The following TJP1 variants were observed in gnomAD, a reference collection of about 807,000 sequenced individuals.
TJP1 encodes tight junction protein 1, also known as tight junction protein ZO-1.
TJP1 carries 43 observed loss-of-function variants against 194.2 expected under a neutral mutation model. That is an observed-to-expected ratio of 0.22 (90% confidence interval 0.17 to 0.29). TJP1 has a LOEUF of 0.29. Among genes scored for constraint, TJP1 ranks in the 10% least tolerant of loss-of-function variants. The probability of loss-of-function intolerance (pLI) is 1.00; values close to 1 mark genes in which losing one functional copy is unlikely to be tolerated. For missense variants in TJP1, 1,971 were observed against 2,185.7 expected (o/e 0.90, Z 1.96); for synonymous variants, 801 against 779.0 (o/e 1.03, Z -0.47).
chr15:29,720,081 T>G, intron 19 of TJP1, 65 bp from the exon 20 acceptor site: 2 of 1,520,932 alleles, frequency 1.3e-6, no homozygotes, highest in Admixed American at 4.3e-5. Context: ...CCACTTCAAT[T>G]TATAGTGATT....
intron 2 of TJP1, among the ~76,000 whole-genome samples, chr15:29,872,870 C>T (rs1010008491): frequency 7.2e-5 from 11 of 152,290 alleles, no homozygotes; most frequent in African/African-American, 2.6e-4. Flanking sequence ...TCTCAAATGC[C>T]CTCTTTCACT....
chr15:29,716,851 G>A lies in TJP1; in HGVS notation c.3975-13C>T. The A allele has an allele frequency of 1.3e-6, 2 of 1,578,730 alleles. No individual in the cohort carries two copies. The highest frequency in any genetic ancestry group is 1.7e-5 in the Admixed American group (1 of 58,236). On this transcript the variant is annotated splice_polypyrimidine_tract_variant and intron_variant, in intron 22 of 27. Transcript: ENST00000614355. ...AGGTTCTGGGATCCTAACAGATAAT[G>A]AATGACAAACGGAACACCTTTTTAA...
intron 2 of TJP1, among the ~76,000 whole-genome samples, chr15:29,829,068 G>A (rs1199279863): frequency 6.6e-6 from 1 of 152,082 alleles, no homozygotes; most frequent in Non-Finnish European, 1.5e-5. Context: ...CTAAGTCTTG[G>A]CTCTTGGCCG....
At chr15:29,742,605 C>G in intron 9 of TJP1, 37 bp downstream of exon 9, 1 of 1,509,390 alleles carries the variant, frequency 6.6e-7, no homozygotes, top group South Asian at 1.4e-5. Context: ...ACTCTACTTG[C>G]AAATGTTTCT....
chr15:29,701,808 A>C lies in TJP1; in HGVS notation c.5213-119T>G. 4 of 698,646 alleles carry C rather than the reference A, an allele frequency of 5.7e-6. No individual in the cohort carries two copies. The South Asian group carries it at 8.0e-5, about 14-fold the overall frequency. The allele number at this position is 698,646 out of a possible 1,614,324, so 43.3% of individuals were successfully genotyped here. On this transcript the variant is annotated intron_variant, in intron 27 of 27. Coordinates refer to ENST00000614355, the MANE Select transcript of TJP1 (RefSeq NM_001330239.4). ...TAATTTTCTTCTGTTTCTTCAGCAT[A>C]TTGAATTTGTATCAAAACACATTGC...
intron 23 of TJP1, among the ~76,000 whole-genome samples, chr15:29,715,773 C>A (rs575331663): frequency 6.6e-6 from 1 of 152,166 alleles, no homozygotes; most frequent in Non-Finnish European, 1.5e-5. Context: ...TCACACTCCC[C>A]AGTAGCTCAA....
intron 2 of TJP1, among the ~76,000 whole-genome samples, chr15:29,908,918 G>C (rs1156814458): frequency 6.6e-6 from 1 of 152,140 alleles, no homozygotes; most frequent in African/African-American, 2.4e-5. Context: ...ACTTTGGGAG[G>C]CCAAGGCGGG....
intron 2 of TJP1, among the ~76,000 whole-genome samples, chr15:29,876,569 G>T (rs1249421850): frequency 6.6e-6 from 1 of 151,920 alleles, no homozygotes; most frequent in Non-Finnish European, 1.5e-5. Context: ...TAGCTCATCA[G>T]CTATCATTAG....
intron 2 of TJP1, among the ~76,000 whole-genome samples, chr15:29,949,849 C>T (rs1187022126): frequency 1.1e-5 from 1 of 87,044 alleles, no homozygotes; most frequent in Admixed American, 1.2e-4. Flanking sequence ...CCACAACCAC[C>T]ACCTCCACAA....
At chr15:29,758,878 T>C (rs1001439453) in intron 8 of TJP1, 2 of 152,172 alleles carry the variant, frequency 1.3e-5, no homozygotes, top group African/African-American at 4.8e-5. Flanking sequence ...ATCCTTAAAA[T>C]AAACACCAGG....
At position 29,796,355 on chromosome 15, in the gene TJP1, A is replaced by AAAAAC. The variant is rs1555421486; in HGVS notation, c.84+4290_84+4291insGTTTT. Among the ~76,000 whole-genome samples, 6 of 151,844 alleles carry AAAAAC rather than the reference A, an allele frequency of 4.0e-5. No homozygotes were observed. The East Asian group carries it at 7.9e-4, about 20-fold the overall frequency. On this transcript the variant is annotated intron_variant, in intron 2 of 27. Coordinates refer to ENST00000614355, the MANE Select transcript of TJP1 (RefSeq NM_001330239.4). Reference sequence around the variant, plus strand: ...AAGGTTGCTATAAAAAAAAAAACAAAAAAAAACCTGCATTTCTACACAGTA... The same window carrying AAAAAC: ...AAGGTTGCTATAAAAAAAAAAACAAAAAAACAAAAAACCTGCATTTCTACACAGTA...
intron 2 of TJP1, among the ~76,000 whole-genome samples, chr15:29,900,458 T>C (rs1567177923): frequency 6.6e-6 from 1 of 152,092 alleles, no homozygotes. Context: ...GGAGGCTACT[T>C]CAACAGTACA....
At chr15:29,709,289 T>C (rs374214007) in intron 24 of TJP1, among the ~76,000 whole-genome samples, 35 of 152,142 alleles carry the variant, frequency 2.3e-4, no homozygotes, top group Non-Finnish European at 4.7e-4. Flanking sequence ...CCTCCAAAGA[T>C]TGGCACTAGT....
At chr15:29,821,580 A>G (rs2050351111) in intron 1 of TJP1, 1 of 152,278 alleles carries the variant, frequency 6.6e-6, no homozygotes, top group Non-Finnish European at 1.5e-5. Context: ...CACTCCTCCA[A>G]AGACAGCAGC....
intron 2 of TJP1, among the ~76,000 whole-genome samples, chr15:29,900,965 G>A (rs191883801): frequency 6.6e-6 from 1 of 152,280 alleles, no homozygotes; most frequent in Admixed American, 6.5e-5. Flanking sequence ...CTCAGAGGGA[G>A]GATATCTAGG....
chr15:29,932,558 G>GAA (rs929324463), intron 2 of TJP1, among the ~76,000 whole-genome samples: 4 of 150,790 alleles, frequency 2.7e-5, no homozygotes, highest in Non-Finnish European at 4.4e-5. Context: ...TTATGACCTG[G>GAA]AAAAAAAAGG....
At position 29,708,682 on chromosome 15, in the gene TJP1, T is replaced by C; in HGVS notation, c.4727A>G (p.Lys1576Arg). 1 of 1,614,250 alleles carries C rather than the reference T, an allele frequency of 6.2e-7. No homozygotes were observed. Among genetic ancestry groups the C allele is most frequent in the South Asian group, 1.1e-5 (1 of 91,084 alleles). ...AGGAGGCTGTGCCAAACTGTGCGAT[T>C]TCACAAGAGTTTTTGGAGAAGTGGG... The part of the protein sequence containing the change: ...KTPTSPKTLV[K>R]SHSLAQPPEF... Residue 1576 changes from lysine to arginine, a missense_variant, in exon 25 of 28, where the codon AAA (lysine) becomes AGA (arginine). Transcript: ENST00000614355.
At chr15:29,782,849 CA>C (rs1401128433) in intron 2 of TJP1, among the ~76,000 whole-genome samples, 1 of 30,086 alleles carries the variant, frequency 3.3e-5, no homozygotes. Flanking sequence ...AGAAAAAAAA[CA>C]ACCCCCATTA....
intron 2 of TJP1, among the ~76,000 whole-genome samples, chr15:29,944,466 C>T (rs540055899): frequency 2.0e-5 from 3 of 152,060 alleles, no homozygotes; most frequent in South Asian, 2.1e-4. Context: ...GGGACGGGGA[C>T]GGGGGCACCA....
Sources: allele counts gnomAD v4.1 joint callset (sites outside exome capture counted in the v4.1 genomes callset), GRCh38; gene constraint gnomAD v4.1.1; transcripts MANE v1.5; gene names NCBI Gene and HGNC (gene_info 2026-07-23, HGNC 2026-07-21).